Variants in CATSPERT observed in about 807,000 individuals in gnomAD.
The protein encoded by CATSPERT is cation channel sperm-associated targeting subunit tau.
the CATSPERT span, among the ~76,000 whole-genome samples, chr2:201,581,299 G>A: frequency 1.3e-5 from 2 of 151,018 alleles, no homozygotes; most frequent in South Asian, 4.2e-4. Flanking sequence ...CCAGATAGTG[G>A]GGAGGCTGAG....
chr2:201,550,837 G>A, the CATSPERT span: 2 of 152,120 alleles, frequency 1.3e-5, no homozygotes, highest in East Asian at 1.9e-4. Context: ...ATCCCACTAT[G>A]AGCAGGAACA....
At chr2:201,615,629 A>C in the CATSPERT span, among the ~76,000 whole-genome samples, 1 of 152,250 alleles carries the variant, frequency 6.6e-6, no homozygotes, top group Non-Finnish European at 1.5e-5. Flanking sequence ...TGACACCCTA[A>C]CATCATAATT....
At chr2:201,585,071 T>C in the CATSPERT span, among the ~76,000 whole-genome samples, 1 of 152,056 alleles carries the variant, frequency 6.6e-6, no homozygotes, top group East Asian at 1.9e-4. Flanking sequence ...TACAATTCTA[T>C]ACTCAAAAAA....
the CATSPERT span, among the ~76,000 whole-genome samples, chr2:201,610,812 G>A: frequency 1.3e-5 from 2 of 152,054 alleles, no homozygotes; most frequent in East Asian, 3.8e-4. Context: ...TGCAAGGATG[G>A]TTCAACACAT....
the CATSPERT span, chr2:201,496,028 T>C: frequency 8.6e-7 from 1 of 1,159,806 alleles, no homozygotes; most frequent in Non-Finnish European, 1.2e-6. Context: ...ATCAAGATCA[T>C]TTTATTCTTG....
chr2:201,610,933 A>T, the CATSPERT span, among the ~76,000 whole-genome samples: 1 of 151,478 alleles, frequency 6.6e-6, no homozygotes, highest in Admixed American at 6.6e-5. Context: ...CCTTCATGAT[A>T]AAAAAAAATT....
chr2:201,557,724 T>G, the CATSPERT span: 1 of 152,218 alleles, frequency 6.6e-6, no homozygotes. Context: ...CTGTTAACAC[T>G]TTATTCTCAG....
the CATSPERT span, chr2:201,493,496 A>C: frequency 6.5e-7 from 1 of 1,537,118 alleles, no homozygotes; most frequent in Non-Finnish European, 8.7e-7. Context: ...TCTTTATCTA[A>C]TTCTATCACT....
the CATSPERT span, among the ~76,000 whole-genome samples, chr2:201,595,976 G>A: frequency 1.3e-5 from 2 of 150,646 alleles, no homozygotes; most frequent in African/African-American, 4.9e-5. Context: ...CACTGTTGGT[G>A]GGAGTATAAA....
chr2:201,531,061 C>T, the CATSPERT span, among the ~76,000 whole-genome samples: 2 of 147,396 alleles, frequency 1.4e-5, no homozygotes, highest in Non-Finnish European at 1.5e-5. Flanking sequence ...CCCTGGTTCA[C>T]GCCATTCTCC....
chr2:201,573,112 G>A, the CATSPERT span, among the ~76,000 whole-genome samples: 2 of 152,190 alleles, frequency 1.3e-5, no homozygotes, highest in South Asian at 2.1e-4. Context: ...TATTTGATGA[G>A]AGTATATATT....
the CATSPERT span, among the ~76,000 whole-genome samples, chr2:201,519,719 C>G: frequency 5.9e-5 from 9 of 151,600 alleles, no homozygotes; most frequent in African/African-American, 1.7e-4. Context: ...ATAAAAAATA[C>G]AATCAAGAGC....
chr2:201,591,021 C>T, the CATSPERT span, among the ~76,000 whole-genome samples: 1 of 152,130 alleles, frequency 6.6e-6, no homozygotes, highest in South Asian at 2.1e-4. Flanking sequence ...GCTTTTGTTG[C>T]CATTGCTTTT....
the CATSPERT span, among the ~76,000 whole-genome samples, chr2:201,538,609 A>G: frequency 6.6e-6 from 1 of 152,034 alleles, no homozygotes; most frequent in Non-Finnish European, 1.5e-5. Flanking sequence ...TGATGTTACT[A>G]TTGTAATTGT....
the CATSPERT span, among the ~76,000 whole-genome samples, chr2:201,563,356 C>T: frequency 7.3e-6 from 1 of 136,748 alleles, no homozygotes; most frequent in African/African-American, 2.8e-5. Flanking sequence ...GGCGGCTGGC[C>T]GGGCGGGGGG....
the CATSPERT span, among the ~76,000 whole-genome samples, chr2:201,512,639 G>A: frequency 1.3e-5 from 2 of 152,046 alleles, no homozygotes; most frequent in Non-Finnish European, 2.9e-5. Flanking sequence ...TTATTGCTGA[G>A]TATTATTCCA....
chr2:201,493,418 C>T, the CATSPERT span: 1 of 1,537,100 alleles, frequency 6.5e-7, no homozygotes, highest in Non-Finnish European at 8.7e-7. Flanking sequence ...GAATAATACT[C>T]TTGGGAATCC....
the CATSPERT span, chr2:201,492,919 G>T: frequency 6.5e-7 from 1 of 1,536,584 alleles, no homozygotes; most frequent in African/African-American, 1.4e-5. Context: ...TTCTGACTCT[G>T]AGAGTTCTTC....
the CATSPERT span, among the ~76,000 whole-genome samples, chr2:201,595,187 C>T: frequency 3.2e-5 from 4 of 124,280 alleles, no homozygotes; most frequent in Admixed American, 4.4e-4. Flanking sequence ...TGTTAGTTTT[C>T]CTTCTTTTTT....
Sources: allele counts gnomAD v4.1 joint callset (sites outside exome capture counted in the v4.1 genomes callset), GRCh38; gene constraint gnomAD v4.1.1; transcripts MANE v1.5; gene names NCBI Gene and HGNC (gene_info 2026-07-23, HGNC 2026-07-21).